MAN1C1: variants seen among roughly 807,000 people sequenced by gnomAD.
MAN1C1 encodes mannosyl-oligosaccharide 1,2-alpha-mannosidase IC.
In MAN1C1, 49 loss-of-function variants were observed where a neutral mutation model predicts 71.5. That is an observed-to-expected ratio of 0.69 (90% CI 0.54 to 0.87). The LOEUF is 0.87. Ranked by LOEUF, MAN1C1 falls within the 40% of genes least tolerant of loss-of-function variation. The pLI, the probability that MAN1C1 is intolerant of heterozygous loss-of-function variation, is 0.00. For missense variants in MAN1C1, 743 were observed against 835.0 expected, an observed-to-expected ratio of 0.89 and a Z score of 1.36; for synonymous variants, 352 against 343.7, an observed-to-expected ratio of 1.02 and a Z score of -0.27.
At chr1:25,649,098 A>T (rs1408769375) in intron 1 of MAN1C1, among the ~76,000 whole-genome samples, 1 of 152,180 alleles carries the variant, frequency 6.6e-6, no homozygotes, top group Admixed American at 6.5e-5. Flanking sequence ...TATGTCAAGC[A>T]CGTACCAGGA....
chr1:25,668,704 C>G (rs1221527526), intron 1 of MAN1C1, among the ~76,000 whole-genome samples: 1 of 151,982 alleles, frequency 6.6e-6, no homozygotes, highest in Non-Finnish European at 1.5e-5. Context: ...TACAGACGCC[C>G]GCCATGATGC....
At position 25,746,165 on chromosome 1, in the gene MAN1C1, C is replaced by T. The variant is rs1175386936; in HGVS notation, c.638-503C>T. ...ACTAAAAATACAAAAATTATCTGGG[C>T]GTGGTGGTGGACACCTGTGGTCCCA... is the stretch of plus-strand genomic sequence containing the variant. On this transcript the variant is annotated intron_variant, in intron 2 of 11. Transcript: ENST00000374332. The surrounding 1 kb of genome is among the most constrained non-coding windows in gnomAD (Gnocchi z 4.0). 5.3e-5 allele frequency among the ~76,000 whole-genome samples: 8 copies of T among 149,958 alleles called. No homozygotes were observed. The highest frequency in any genetic ancestry group is 4.0e-4 in the Admixed American group (6 of 15,056).
At chr1:25,665,414 C>T (rs2045908078) in intron 1 of MAN1C1, among the ~76,000 whole-genome samples, 1 of 152,124 alleles carries the variant, frequency 6.6e-6, no homozygotes, top group Non-Finnish European at 1.5e-5. Flanking sequence ...CCTACATCTT[C>T]AAAAAGACTT....
intron 2 of MAN1C1, among the ~76,000 whole-genome samples, chr1:25,708,487 A>AC (rs1167412837): frequency 8.5e-5 from 13 of 152,220 alleles, no homozygotes; most frequent in African/African-American, 3.1e-4. Context: ...TGTGACCTGT[A>AC]TCTTCAGCTA....
intron 2 of MAN1C1, among the ~76,000 whole-genome samples, chr1:25,693,491 C>T (rs905968391): frequency 2.6e-5 from 4 of 152,124 alleles, no homozygotes; most frequent in Admixed American, 6.5e-5. Context: ...ATTAGCTAGA[C>T]GTGGTGCCGC....
intron 8 of MAN1C1, 199 bp downstream of exon 8, chr1:25,771,971 C>CT: frequency 1.8e-6 from 1 of 564,058 alleles, no homozygotes; most frequent in South Asian, 2.2e-5. Flanking sequence ...CCCACATGCT[C>CT]TAAGACTGGG....
intron 2 of MAN1C1, among the ~76,000 whole-genome samples, chr1:25,719,644 T>C (rs1047766990): frequency 1.3e-5 from 2 of 151,888 alleles, no homozygotes; most frequent in African/African-American, 4.8e-5. Context: ...CCCAGGCTGG[T>C]CTTGAACTCC....
chr1:25,662,914 C>T (rs2045870481), intron 1 of MAN1C1, among the ~76,000 whole-genome samples: 1 of 151,856 alleles, frequency 6.6e-6, no homozygotes, highest in Non-Finnish European at 1.5e-5. Context: ...CAAAAATTAG[C>T]TGGGTGTGAT....
At chr1:25,714,104 G>A (rs779940305) in intron 2 of MAN1C1, among the ~76,000 whole-genome samples, 7 of 152,190 alleles carry the variant, frequency 4.6e-5, no homozygotes, top group Admixed American at 6.5e-5. Context: ...TTCAGAGTGA[G>A]GAAGTGATGA....
intron 1 of MAN1C1, among the ~76,000 whole-genome samples, chr1:25,681,891 A>C (rs1389979765): frequency 6.6e-6 from 1 of 152,024 alleles, no homozygotes; most frequent in Non-Finnish European, 1.5e-5. Context: ...AAAAATGATG[A>C]TCCGTAGGAG....
At chr1:25,670,498 G>T (rs1026379874) in intron 1 of MAN1C1, among the ~76,000 whole-genome samples, 1 of 152,246 alleles carries the variant, frequency 6.6e-6, no homozygotes, top group African/African-American at 2.4e-5. Context: ...TGAGCCTTCA[G>T]GGGGTGGGAA....
intron 1 of MAN1C1, among the ~76,000 whole-genome samples, chr1:25,642,074 C>A (rs2045545502): frequency 6.6e-6 from 1 of 152,198 alleles, no homozygotes; most frequent in African/African-American, 2.4e-5. Flanking sequence ...CAATATTTGC[C>A]TGTCCCACCT....
At chr1:25,621,738 C>T (rs1232133513) in intron 1 of MAN1C1, among the ~76,000 whole-genome samples, 1 of 152,040 alleles carries the variant, frequency 6.6e-6, no homozygotes, top group African/African-American at 2.4e-5. Context: ...TCAAGCGATT[C>T]TCATGACTCA....
rs2047651623 is a variant in MAN1C1 at position 25,778,517 on chromosome 1, G to A, written c.1477+193G>A. ...CCTGAATGAAAGGGAAACTAGTACA[G>A]ACACAGGAAGCGCTTTGCATGTACC... On this transcript the variant is annotated intron_variant, in intron 9 of 11. Transcript: ENST00000374332. The surrounding 1 kb of genome is among the most constrained non-coding windows in gnomAD (Gnocchi z 5.5). 6.6e-6 allele frequency among the ~76,000 whole-genome samples: 1 copy of A among 152,196 alleles called. No individual in the cohort carries two copies. Among genetic ancestry groups the A allele is most frequent in the African/African-American group, 2.4e-5 (1 of 41,444 alleles).
chr1:25,737,325 C>G lies in MAN1C1; in HGVS notation c.638-9343C>G, dbSNP rs117765445. On this transcript the variant is annotated intron_variant, in intron 2 of 11. Transcript: ENST00000374332. ...TCTCCAGCCAGCTGTGGCAGCAAAGCGTGGCATCTGCTCAGGAAGGGTGGA... is the reference window on the plus strand; with the variant it reads ...TCTCCAGCCAGCTGTGGCAGCAAAGGGTGGCATCTGCTCAGGAAGGGTGGA... 6.6e-5 allele frequency among the ~76,000 whole-genome samples: 10 copies of G among 152,356 alleles called. No homozygotes were observed. In the East Asian group the frequency reaches 1.9e-3, roughly 29 times the overall value.
At chr1:25,714,807 C>G (rs916783022) in intron 2 of MAN1C1, among the ~76,000 whole-genome samples, 4 of 152,192 alleles carry the variant, frequency 2.6e-5, no homozygotes, top group African/African-American at 9.7e-5. Context: ...ATGCCACAAG[C>G]TGGTGGTACC....
intron 1 of MAN1C1, among the ~76,000 whole-genome samples, chr1:25,623,503 T>A (rs1484968975): frequency 6.6e-6 from 1 of 152,126 alleles, no homozygotes; most frequent in East Asian, 1.9e-4. Context: ...CAGTGACTGA[T>A]TTACATCCGA....
rs2045114215 is a variant in MAN1C1, at chr1:25,617,302, T to G, written c.-496T>G. Among the ~76,000 whole-genome samples, 1 of 151,266 alleles carries G rather than the reference T, an allele frequency of 6.6e-6. No individual in the cohort carries two copies. The highest frequency in any genetic ancestry group is 1.5e-5 in the Non-Finnish European group (1 of 67,766). On this transcript the variant is annotated 5_prime_UTR_variant, in exon 1 of 12. Transcript: ENST00000374332. This position sits in a 1 kb window ranked among gnomAD's most constrained non-coding sequence, Gnocchi z 5.1. ...ACACGCCAGCCCCCCATCGCCTCGGTCCCCTCCGGAAACTGCTTCTGAAGC... is the reference window on the plus strand; with the variant it reads ...ACACGCCAGCCCCCCATCGCCTCGGGCCCCTCCGGAAACTGCTTCTGAAGC...
At chr1:25,783,413 C>G in intron 11 of MAN1C1, among the ~76,000 whole-genome samples, 1 of 152,330 alleles carries the variant, frequency 6.6e-6, no homozygotes, top group South Asian at 2.1e-4. Flanking sequence ...GCAGGTGAAG[C>G]TGGCTGATGG....
Sources: allele counts gnomAD v4.1 joint callset (sites outside exome capture counted in the v4.1 genomes callset), GRCh38; gene constraint gnomAD v4.1.1; non-coding constraint Gnocchi (gnomAD v3.1); transcripts MANE v1.5; gene names NCBI Gene and HGNC (gene_info 2026-07-23, HGNC 2026-07-21).